The following ERMAP variants were observed in gnomAD, a reference collection of about 807,000 sequenced individuals.
ERMAP encodes erythroblast membrane associated protein (Scianna blood group).
ERMAP carries 34 observed loss-of-function variants against 49.5 expected under a neutral mutation model. The ratio of observed to expected loss-of-function variants is 0.69; its 90% CI spans 0.52 to 0.91. The LOEUF (loss-of-function observed/expected upper bound fraction) is 0.91. Ranked by LOEUF, ERMAP falls within the 40% of genes least tolerant of loss-of-function variation. The probability of loss-of-function intolerance (pLI) is 0.00; values close to 1 mark genes in which losing one functional copy is unlikely to be tolerated. For missense variants in ERMAP, 541 were observed against 582.6 expected (o/e 0.93, Z 0.74); for synonymous variants, 214 against 232.2 (o/e 0.92, Z 0.71).
chr1:42,837,659 C>T (rs6667158), intron 7 of ERMAP: 1 of 152,496 alleles, frequency 6.6e-6, no homozygotes, highest in East Asian at 1.9e-4. Flanking sequence ...ATGCAGATAA[C>T]TTCCCCTTAC....
At chr1:42,822,758 C>A (rs1435052484) in intron 1 of ERMAP, among the ~76,000 whole-genome samples, 1 of 152,174 alleles carries the variant, frequency 6.6e-6, no homozygotes, top group African/African-American at 2.4e-5. Flanking sequence ...ACAAATCTCT[C>A]CCTATCCTCC....
intron 1 of ERMAP, among the ~76,000 whole-genome samples, chr1:42,823,201 C>A (rs1484158551): frequency 1.3e-5 from 2 of 152,158 alleles, no homozygotes; most frequent in Non-Finnish European, 2.9e-5. Flanking sequence ...ATAGCAATGA[C>A]CTTTTTATAC....
chr1:42,835,604 C>G, intron 5 of ERMAP, 128 bp from the exon 6 acceptor site: 2 of 1,260,912 alleles, frequency 1.6e-6, no homozygotes, highest in East Asian at 5.1e-5. Flanking sequence ...CTAATCCTTT[C>G]AAATGCCCGC....
Position 42,830,775 on chromosome 1 carries a change from A to C in ERMAP, c.93A>C (p.Ala31=), listed in dbSNP as rs981372230. The change falls in exon 4 of 12, where the codon GCA becomes GCC. Residue 31 remains alanine, a synonymous_variant. Coordinates refer to ENST00000372517, the MANE Select transcript of ERMAP (RefSeq NM_001017922.2). ...GTCTCTTTTTTTGTCCAGGCCACGCAGGGGATGCCGGCAAGTTCCACGTGG... is the reference window on the plus strand; with the variant it reads ...GTCTCTTTTTTTGTCCAGGCCACGCCGGGGATGCCGGCAAGTTCCACGTGG... ...LRLSVHVSGH[A]GDAGKFHVAL... 7.8e-6 allele frequency: 12 copies of C among 1,543,560 alleles called. No individual in the cohort carries two copies. The highest frequency in any genetic ancestry group is 1.0e-5 in the Non-Finnish European group (12 of 1,144,014).
rs921544517 is a variant in ERMAP at position 42,817,254 on chromosome 1, G to C, written c.-122+1G>C. 4 of 1,251,224 alleles carry C rather than the reference G, an allele frequency of 3.2e-6. No homozygotes were observed. In the African/African-American group the frequency reaches 6.4e-5, roughly 20 times the overall value. The allele number at this position is 1,251,224 out of a possible 1,614,324, so 77.5% of individuals were successfully genotyped here. A position where few individuals can be genotyped will look rare whatever the true frequency, so the allele number is the denominator to read the frequency against. On this transcript the variant is annotated splice_donor_variant, in intron 1 of 11. Transcript: ENST00000372517. LOFTEE classifies it low-confidence loss of function (5UTR_SPLICE). ...AGTCGCAGACAACGCCTCCGGGAGG[G>C]TAATCCTCGCCTTCCCCCGACCACT...
intron 8 of ERMAP, 191 bp downstream of exon 8, chr1:42,839,112 C>T: frequency 1.3e-6 from 1 of 786,200 alleles, no homozygotes; most frequent in Admixed American, 2.4e-5. Context: ...TCCTGCACAA[C>T]TATTATTTAG....
intron 1 of ERMAP, 25 bp downstream of exon 1, chr1:42,817,278 C>G (rs1017456793): frequency 1.5e-5 from 18 of 1,230,894 alleles, no homozygotes; most frequent in Non-Finnish European, 1.9e-5. Context: ...CCCCCGACCA[C>G]TGGACCCAGC....
intron 4 of ERMAP, among the ~76,000 whole-genome samples, chr1:42,831,575 C>CTTT (rs796367653): frequency 3.3e-4 from 28 of 83,982 alleles, no homozygotes; most frequent in African/African-American, 4.0e-4. Flanking sequence ...TTTTTTTTCT[C>CTTT]TTTTTTTTTT....
rs771400354 is a variant in ERMAP, at chr1:42,842,998, C to A, written c.1194C>A (p.Cys398Ter). The change falls in exon 12 of 12, where the codon TGC becomes TGA. Residue 398 changes from cysteine to a stop codon, truncating the protein, a stop_gained. Coordinates refer to ENST00000372517, the MANE Select transcript of ERMAP (RefSeq NM_001017922.2). LOFTEE classifies it high-confidence loss of function. Reference sequence around the variant, plus strand: ...CCCTTCGCCCTTTCTTTGAACCTTGCCTTCATGATGGAGGAAAAAACACAG... The same window carrying A: ...CCCTTCGCCCTTTCTTTGAACCTTGACTTCATGATGGAGGAAAAAACACAG... ...SGPLRPFFEP[C>*]LHDGGKNTAP... The A allele has an allele frequency of 6.2e-7, 1 of 1,614,168 alleles. No homozygotes were observed. Among genetic ancestry groups the A allele is most frequent in the African/African-American group, 1.3e-5 (1 of 75,032 alleles).
chr1:42,840,413 A>G (rs1655023569), intron 11 of ERMAP, 117 bp downstream of exon 11: 11 of 1,193,460 alleles, frequency 9.2e-6, no homozygotes, highest in Non-Finnish European at 1.3e-5. Context: ...TTTTTAAATC[A>G]AATCTGTATA....
At position 42,835,777 on chromosome 1, in the gene ERMAP, G is replaced by A; in HGVS notation, c.583+13G>A. ...GTGACGGAGGTGGGTAAGTGTTCTT[G>A]GCTGGGGGGCAGGGGAGATGTTTCT... On this transcript the variant is annotated intron_variant, in intron 6 of 11. Transcript: ENST00000372517. The A allele has an allele frequency of 6.2e-7, 1 of 1,605,646 alleles. No individual in the cohort carries two copies. The highest frequency in any genetic ancestry group is 8.5e-7 in the Non-Finnish European group (1 of 1,176,362).
Position 42,830,899 on chromosome 1 carries a change from C to A in ERMAP, c.217C>A (p.Arg73Ser), listed in dbSNP as rs149787850. Residue 73 changes from arginine to serine, a missense_variant, in exon 4 of 12, where the codon CGC becomes AGC. Arg to Ser is a moderately radical substitution (Grantham distance 110). Transcript: ENST00000372517. ...GTGGCTGCGGTCCCCATTCCCGCAG[C>A]GCTCCCAGGCTGTTCACATATTCCG... Reference protein sequence around the residue: ...VRWLRSPFPQRSQAVHIFRDG... With the variant: ...VRWLRSPFPQSSQAVHIFRDG... 20 of 1,613,826 alleles carry A rather than the reference C, an allele frequency of 1.2e-5. No individual in the cohort carries two copies. The highest frequency in any genetic ancestry group is 1.7e-5 in the Non-Finnish European group (20 of 1,179,962).
intron 2 of ERMAP, among the ~76,000 whole-genome samples, chr1:42,827,777 C>T (rs896255837): frequency 3.9e-5 from 6 of 152,124 alleles, no homozygotes; most frequent in Non-Finnish European, 8.8e-5. Context: ...ACTCATGATA[C>T]AGGGCTATAT....
chr1:42,818,440 G>A (rs1244300231), intron 1 of ERMAP, among the ~76,000 whole-genome samples: 1 of 152,200 alleles, frequency 6.6e-6, no homozygotes, highest in Non-Finnish European at 1.5e-5. Flanking sequence ...AGGTGAAAAA[G>A]TTCTAGAGAT....
At chr1:42,830,278 C>A (rs2124310701) in intron 2 of ERMAP, 166 bp from the exon 3 acceptor site, 1 of 610,884 alleles carries the variant, frequency 1.6e-6, no homozygotes, top group Non-Finnish European at 2.9e-6. Flanking sequence ...CAGAGAAGTT[C>A]GGTCACAGTA....
At position 42,822,188 on chromosome 1, in the gene ERMAP, AT is replaced by A. The variant is rs202208513; in HGVS notation, c.-121-3422del. On this transcript the variant is annotated intron_variant, in intron 1 of 11. Coordinates refer to ENST00000372517, the MANE Select transcript of ERMAP (RefSeq NM_001017922.2). ...TATATAAATCCTTTTTAAAAAATTA[AT>A]TTTTTTTTTTTTAAGATGGAGTCTC... is the stretch of plus-strand genomic sequence containing the variant. Among the ~76,000 whole-genome samples, 942 of 147,042 alleles carry A rather than the reference AT, an allele frequency of 6.4e-3. 59 individuals are homozygous for A. In the East Asian group the frequency reaches 0.12, roughly 19 times the overall value.
intron 11 of ERMAP, among the ~76,000 whole-genome samples, chr1:42,841,667 C>T (rs951637819): frequency 6.6e-5 from 10 of 152,202 alleles, no homozygotes; most frequent in African/African-American, 2.4e-4. Context: ...GGTTCTGTTA[C>T]TATTTCCATT....
chr1:42,840,355 T>C (rs1655021951), intron 11 of ERMAP, 59 bp downstream of exon 11: 1 of 1,606,136 alleles, frequency 6.2e-7, no homozygotes, highest in Non-Finnish European at 8.5e-7. Context: ...TATGGCTTTG[T>C]AACCTTAGAT....
chr1:42,823,740 C>A (rs1654460977), intron 1 of ERMAP, among the ~76,000 whole-genome samples: 1 of 152,148 alleles, frequency 6.6e-6, no homozygotes, highest in Non-Finnish European at 1.5e-5. Flanking sequence ...ATGCATCCTT[C>A]CCATTTTGTC....
Sources: gnomAD v4.1 joint callset for allele counts (sites outside exome capture counted in the v4.1 genomes callset) on GRCh38, gnomAD v4.1.1 for gene constraint, MANE v1.5 for transcripts, NCBI Gene and HGNC (gene_info 2026-07-23, HGNC 2026-07-21) for gene names.